Variants in MGAT5B observed in about 807,000 individuals in gnomAD.
MGAT5B encodes the protein N-acetylglucosaminyl-transferase Vb.
In MGAT5B, 54 loss-of-function variants were observed where a neutral mutation model predicts 95.1. The observed-to-expected ratio is 0.57, with a 90% CI of 0.46 to 0.71. The LOEUF (loss-of-function observed/expected upper bound fraction) is 0.71, where lower values mean the gene tolerates loss of function less well. Ranked by LOEUF, MGAT5B falls within the 30% of genes least tolerant of loss-of-function variation. The pLI is 0.00. For missense variants in MGAT5B, 935 were observed against 1,088.6 expected, an observed-to-expected ratio of 0.86 and a Z score of 1.99; for synonymous variants, 464 against 451.0, an observed-to-expected ratio of 1.03 and a Z score of -0.36.
chr17:76,926,731 G>C lies in MGAT5B; in HGVS notation c.1291+1G>C, dbSNP rs749628065. The stretch of plus-strand genomic sequence containing the variant: ...CCCAAGCAGTTCATGACCATGTTTC[G>C]TGAGTGCCCCACAGGGCAGGGGTGG... On this transcript the variant is annotated splice_donor_variant, in intron 10 of 17. Coordinates refer to ENST00000569840, the MANE Select transcript of MGAT5B (RefSeq NM_001199172.2). LOFTEE classifies it high-confidence loss of function. 1 of 1,612,584 alleles carries C rather than the reference G, an allele frequency of 6.2e-7. No individual in the cohort carries two copies. The highest frequency in any genetic ancestry group is 8.5e-7 in the Non-Finnish European group (1 of 1,179,824).
rs897805827 is a variant in MGAT5B at position 76,917,887 on chromosome 17, C to T, written c.1026-7079C>T. Among the ~76,000 whole-genome samples, 4 of 152,134 alleles carry T rather than the reference C, an allele frequency of 2.6e-5. No homozygotes were observed. The highest frequency in any genetic ancestry group is 7.2e-5 in the African/African-American group (3 of 41,424). ...AAGCCTGGATGAGAAAACCTGGGTT[C>T]GGGCTCAGCATTTACAGGCATTTAT... is the stretch of plus-strand genomic sequence containing the variant. On this transcript the variant is annotated intron_variant, in intron 8 of 17. Transcript: ENST00000569840. This position sits in a 1 kb window ranked among gnomAD's most constrained non-coding sequence, Gnocchi z 6.1.
In MGAT5B at chr17:76,940,284, C is replaced by G; in HGVS notation, c.1585-118C>G. 7.7e-7 allele frequency: 1 copy of G among 1,294,334 alleles called. No individual in the cohort carries two copies. Among genetic ancestry groups the G allele is most frequent in the Non-Finnish European group, 1.0e-6 (1 of 963,990 alleles). 80.2% of individuals were successfully genotyped at this position (1,294,334 alleles called of 1,614,324 possible). ...AACAGGCTGAGCAAAAATAATCGCT[C>G]CAGGCCCAGCTGCCTCCTGTGAATA... On this transcript the variant is annotated intron_variant, in intron 13 of 17. Transcript: ENST00000569840. The surrounding 1 kb of genome is among the most constrained non-coding windows in gnomAD (Gnocchi z 4.3).
At chr17:76,899,650 CCTCT>C (rs1169926870) in intron 3 of MGAT5B, among the ~76,000 whole-genome samples, 1 of 151,620 alleles carries the variant, frequency 6.6e-6, no homozygotes, top group East Asian at 1.9e-4. Flanking sequence ...TCTCTCTCTC[CCTCT>C]CTCTCTCTGT....
chr17:76,946,233 C>A, intron 15 of MGAT5B, 143 bp from the exon 16 acceptor site: 1 of 621,262 alleles, frequency 1.6e-6, no homozygotes, highest in Non-Finnish European at 2.7e-6. Context: ...GGTGGAAGGG[C>A]CAGGTGGATG....
rs1969739310 is a variant in MGAT5B, at chr17:76,938,216, A to G, written c.1584+73A>G. The G allele has an allele frequency of 1.3e-6, 2 of 1,554,458 alleles. No individual in the cohort carries two copies. Among genetic ancestry groups the G allele is most frequent in the African/African-American group, 1.3e-5 (1 of 74,128 alleles). ...ACTGAGGTCACCACCCATGCCTGCC[A>G]CCACCACTCAGGCCCCTTCCACATA... On this transcript the variant is annotated intron_variant, in intron 13 of 17. Transcript: ENST00000569840. This position sits in a 1 kb window ranked among gnomAD's most constrained non-coding sequence, Gnocchi z 4.3.
chr17:76,939,017 A>G (rs1969765760), intron 13 of MGAT5B, among the ~76,000 whole-genome samples: 1 of 128,008 alleles, frequency 7.8e-6, no homozygotes, highest in African/African-American at 2.9e-5. Context: ...TTGTTTCCCA[A>G]GGCATCTTGG....
chr17:76,897,287 C>T (rs764286856), intron 3 of MGAT5B, among the ~76,000 whole-genome samples: 2 of 152,098 alleles, frequency 1.3e-5, no homozygotes, highest in African/African-American at 4.8e-5. Context: ...ATCTTAGTTT[C>T]GTAGAGTTGC....
At chr17:76,939,273 G>T (rs1969788135) in intron 13 of MGAT5B, among the ~76,000 whole-genome samples, 1 of 151,974 alleles carries the variant, frequency 6.6e-6, no homozygotes, top group Non-Finnish European at 1.5e-5. Context: ...GCCGAGGTGG[G>T]CGGATCACGA....
chr17:76,917,799 C>T lies in MGAT5B; in HGVS notation c.1026-7167C>T, dbSNP rs34967603. ...CCGAGGAGCTGAAAATAATCCCCGACGCCCAGGCCCCAGCCCGGAGCAAAT... is the reference window on the plus strand; with the variant it reads ...CCGAGGAGCTGAAAATAATCCCCGATGCCCAGGCCCCAGCCCGGAGCAAAT... On this transcript the variant is annotated intron_variant, in intron 8 of 17. Coordinates refer to ENST00000569840, the MANE Select transcript of MGAT5B (RefSeq NM_001199172.2). The surrounding 1 kb of genome is among the most constrained non-coding windows in gnomAD (Gnocchi z 6.1). Among the ~76,000 whole-genome samples, 7,713 of 152,302 alleles carry T rather than the reference C, an allele frequency of 0.051. 258 individuals are homozygous for T. The highest frequency in any genetic ancestry group is 0.074 in the Non-Finnish European group (5,012 of 68,016).
intron 2 of MGAT5B, 78 bp from the exon 3 acceptor site, chr17:76,882,072 TG>T: frequency 6.7e-7 from 1 of 1,482,368 alleles, no homozygotes; most frequent in African/African-American, 1.4e-5. Context: ...CAGCTTTGTC[TG>T]AGCTGCCCCA....
intron 2 of MGAT5B, among the ~76,000 whole-genome samples, chr17:76,877,607 C>G (rs1812582474): frequency 6.6e-6 from 1 of 152,276 alleles, no homozygotes; most frequent in Middle Eastern, 3.4e-3. Context: ...GGTGTGGCCT[C>G]CCACGGCCTG....
At chr17:76,888,705 G>A (rs897053500) in intron 3 of MGAT5B, among the ~76,000 whole-genome samples, 4 of 152,164 alleles carry the variant, frequency 2.6e-5, no homozygotes, top group African/African-American at 9.7e-5. Flanking sequence ...AGCCTCAGGG[G>A]CCTCTTTGAG....
chr17:76,927,806 C>T (rs7223731), intron 10 of MGAT5B, among the ~76,000 whole-genome samples: 32,918 of 152,210 alleles, frequency 0.22, 3,636 homozygotes, highest in East Asian at 0.27. Context: ...CCTCCAGCAG[C>T]ATCTTGCGTG....
At chr17:76,933,676 C>T (rs760259863) in intron 12 of MGAT5B, among the ~76,000 whole-genome samples, 26 of 152,200 alleles carry the variant, frequency 1.7e-4, no homozygotes, top group Admixed American at 3.9e-4. Flanking sequence ...AGGCCTGTTA[C>T]ATGATTATTG....
At chr17:76,924,761 T>TC (rs979484871) in intron 8 of MGAT5B, among the ~76,000 whole-genome samples, 1 of 152,150 alleles carries the variant, frequency 6.6e-6, no homozygotes, top group African/African-American at 2.4e-5. Context: ...CACGCTGACC[T>TC]CAGTCCCACC....
Position 76,906,615 on chromosome 17 carries a change from G to A in MGAT5B, c.1025+428G>A, listed in dbSNP as rs536449665. On this transcript the variant is annotated intron_variant, in intron 8 of 17. Transcript: ENST00000569840. The surrounding 1 kb of genome is among the most constrained non-coding windows in gnomAD (Gnocchi z 4.6). ...AGTAAGACATGGAGGATGAAGGGGC[G>A]TGGTTGGGTGGGTGGTGCCTGTCCC... Among the ~76,000 whole-genome samples the A allele has an allele frequency of 3.0e-4, 46 of 152,254 alleles. No individual in the cohort carries two copies. In the South Asian group the frequency reaches 9.4e-3, roughly 31 times the overall value.
chr17:76,921,708 G>A (rs540716390), intron 8 of MGAT5B, among the ~76,000 whole-genome samples: 9 of 152,276 alleles, frequency 5.9e-5, no homozygotes, highest in East Asian at 1.9e-4. Context: ...AAGCATCCTC[G>A]AAGTCCTGGC....
intron 12 of MGAT5B, among the ~76,000 whole-genome samples, chr17:76,935,399 A>G (rs1969617285): frequency 6.6e-6 from 1 of 152,240 alleles, no homozygotes; most frequent in Non-Finnish European, 1.5e-5. Flanking sequence ...GCTGGTTAAT[A>G]CTGTAGAAGT....
chr17:76,933,419 C>T, intron 12 of MGAT5B, 122 bp downstream of exon 12: 2 of 1,298,014 alleles, frequency 1.5e-6, no homozygotes, highest in Non-Finnish European at 2.2e-6. Context: ...GCTTGTGGCT[C>T]CTGTGGATGG....
Sources: gnomAD v4.1 joint callset for allele counts (sites outside exome capture counted in the v4.1 genomes callset) on GRCh38, gnomAD v4.1.1 for gene constraint, Gnocchi (gnomAD v3.1) non-coding constraint, MANE v1.5 for transcripts, NCBI Gene and HGNC (gene_info 2026-07-23, HGNC 2026-07-21) for gene names.